AMZ2: variants seen among roughly 807,000 people sequenced by gnomAD.
The protein encoded by AMZ2 is archaemetzincin-2.
In AMZ2, 26 loss-of-function variants were observed where a neutral mutation model predicts 36.7. That is an observed-to-expected ratio of 0.71 (90% CI 0.52 to 0.98). The LOEUF is 0.98. Among genes scored for constraint, AMZ2 ranks in the 50% least tolerant of loss-of-function variants. AMZ2 has a pLI of 0.00. For missense variants in AMZ2, 394 were observed against 430.5 expected (o/e 0.92, Z 0.75); for synonymous variants, 144 against 149.1 (o/e 0.97, Z 0.25).
chr17:68,228,045 T>C (rs1387568862), intron 1 of AMZ2, among the ~76,000 whole-genome samples: 2 of 152,136 alleles, frequency 1.3e-5, no homozygotes, highest in Non-Finnish European at 2.9e-5. Context: ...TTGGCTGTCC[T>C]TTTTGCCTCC....
chr17:68,215,012 G>A (rs1466420659), intron 1 of AMZ2, among the ~76,000 whole-genome samples: 2 of 152,154 alleles, frequency 1.3e-5, no homozygotes, highest in Non-Finnish European at 2.9e-5. Flanking sequence ...TCGAACTTGT[G>A]AGCTCAAGCC....
chr17:68,247,592 G>A (rs2074084095), upstream of AMZ2: 1 of 974,192 alleles, frequency 1.0e-6, no homozygotes, highest in Admixed American at 6.1e-5. Flanking sequence ...AAGGGAAAGT[G>A]CTGAGGGTGA....
chr17:68,254,603 TA>T, intron 5 of AMZ2, 36 bp downstream of exon 5: 1 of 1,541,202 alleles, frequency 6.5e-7, no homozygotes, highest in South Asian at 1.2e-5. Flanking sequence ...GACAGTTCTT[TA>T]AAAGAGATCT....
At chr17:68,237,384 G>A (rs1336796364) in intron 1 of AMZ2, among the ~76,000 whole-genome samples, 8 of 152,152 alleles carry the variant, frequency 5.3e-5, no homozygotes, top group Non-Finnish European at 8.8e-5. Context: ...TGTGTCCTTC[G>A]TTACGCTGAT....
At chr17:68,244,430 G>A (rs2073961208), upstream of AMZ2, among the ~76,000 whole-genome samples, 1 of 152,132 alleles carries the variant, frequency 6.6e-6, no homozygotes, top group Admixed American at 6.6e-5. Flanking sequence ...GGGATTACAG[G>A]CATGCAACAC....
rs2074846975 is a variant in AMZ2 at position 68,255,693 on chromosome 17, C to G, written c.751-7C>G. On this transcript the variant is annotated splice_polypyrimidine_tract_variant and splice_region_variant and intron_variant, in intron 5 of 6. Coordinates refer to ENST00000359904, the MANE Select transcript of AMZ2 (RefSeq NM_016627.5). ...TCTTATAAAGCCTCAACATGATTGT[C>G]TTGCAGACTTTAACCCATGAGATCG... is the stretch of plus-strand genomic sequence containing the variant. 5.0e-6 allele frequency: 8 copies of G among 1,612,642 alleles called. No individual in the cohort carries two copies. The highest frequency in any genetic ancestry group is 6.8e-6 in the Non-Finnish European group (8 of 1,178,880).
intron 1 of AMZ2, among the ~76,000 whole-genome samples, chr17:68,228,140 G>T (rs1363201433): frequency 1.3e-5 from 2 of 152,000 alleles, no homozygotes; most frequent in Non-Finnish European, 2.9e-5. Flanking sequence ...CCCGAGCTCA[G>T]CTCCCCATCC....
In AMZ2 at chr17:68,235,157, G is replaced by C. The variant is rs1313920698; in HGVS notation, c.-66-13483G>C. 1.3e-5 allele frequency among the ~76,000 whole-genome samples: 2 copies of C among 152,184 alleles called. No individual in the cohort carries two copies. The highest frequency in any genetic ancestry group is 1.3e-4 in the Admixed American group (2 of 15,278). On this transcript the variant is annotated intron_variant, in intron 1 of 7. Transcript: ENST00000674770. This position sits in a 1 kb window ranked among gnomAD's most constrained non-coding sequence, Gnocchi z 4.2. ...GCGGGCATTTCCGTAATTAGAACTT[G>C]TGACCAACACATCCAACCACGAGGA...
chr17:68,213,425 G>A (rs1346457968), intron 1 of AMZ2, among the ~76,000 whole-genome samples: 1 of 152,202 alleles, frequency 6.6e-6, no homozygotes, highest in Non-Finnish European at 1.5e-5. Context: ...CCAGTTCTTA[G>A]AATTAGGTCA....
At chr17:68,223,716 T>G (rs2073428955) in intron 1 of AMZ2, among the ~76,000 whole-genome samples, 1 of 149,688 alleles carries the variant, frequency 6.7e-6, no homozygotes, top group Non-Finnish European at 1.5e-5. Flanking sequence ...ATTTTTTTGT[T>G]GTTTGTTTGT....
At chr17:68,233,286 A>G (rs535230328) in intron 1 of AMZ2, among the ~76,000 whole-genome samples, 1 of 152,298 alleles carries the variant, frequency 6.6e-6, no homozygotes, top group Non-Finnish European at 1.5e-5. Flanking sequence ...AGGCAAGTGA[A>G]TCACCTGAGG....
At position 68,254,392 on chromosome 17, in the gene AMZ2, C is replaced by T. The variant is rs781808148; in HGVS notation, c.587-12C>T. 3.1e-6 allele frequency: 5 copies of T among 1,601,524 alleles called. No individual in the cohort carries two copies. The Admixed American group carries it at 5.2e-5, about 17-fold the overall frequency. On this transcript the variant is annotated splice_polypyrimidine_tract_variant and intron_variant, in intron 4 of 6. Coordinates refer to ENST00000359904, the MANE Select transcript of AMZ2 (RefSeq NM_016627.5). ...TACTCTCATTCTGTCACTGTTTGTC[C>T]TTTTTTTGTAGGTGTGGGGATATTC...
In AMZ2 at chr17:68,250,187, G is replaced by T. The variant is rs1555738280; in HGVS notation, c.1-1G>T. The T allele has an allele frequency of 3.1e-6, 5 of 1,601,506 alleles. No homozygotes were observed. The Admixed American group carries it at 5.3e-5, about 17-fold the overall frequency. On this transcript the variant is annotated splice_acceptor_variant, in intron 1 of 6. Transcript: ENST00000359904. LOFTEE classifies it low-confidence loss of function (5UTR_SPLICE). ...TTTGATTACTTGCTTTTTTTTGTTA[G>T]ATGCAAATAATACGGCACTCCGAAC... is the stretch of plus-strand genomic sequence containing the variant.
At chr17:68,229,886 C>T (rs1555730790) in intron 1 of AMZ2, among the ~76,000 whole-genome samples, 2 of 152,150 alleles carry the variant, frequency 1.3e-5, no homozygotes, top group Non-Finnish European at 2.9e-5. Context: ...CGTTCTCCTC[C>T]ATATAGTCTC....
At chr17:68,239,917 T>C (rs1555733640) in intron 1 of AMZ2, among the ~76,000 whole-genome samples, 1 of 152,038 alleles carries the variant, frequency 6.6e-6, no homozygotes, top group Non-Finnish European at 1.5e-5. Flanking sequence ...ACAGAACAAA[T>C]CTTCAAAAGT....
intron 6 of AMZ2, 112 bp from the exon 7 acceptor site, chr17:68,256,702 G>T (rs1194384048): frequency 1.1e-5 from 11 of 1,042,524 alleles, no homozygotes; most frequent in Non-Finnish European, 1.1e-5. Context: ...ATCAAATGCA[G>T]CGTCTTCATG....
At position 68,250,572 on chromosome 17, in the gene AMZ2, T is replaced by C. The variant is rs1331601972; in HGVS notation, c.283+102T>C. 33 of 1,427,380 alleles carry C rather than the reference T, an allele frequency of 2.3e-5. No homozygotes were observed. The African/African-American group carries it at 4.4e-4, about 19-fold the overall frequency. 88.4% of individuals were successfully genotyped at this position (1,427,380 alleles called of 1,614,324 possible). A position where few individuals can be genotyped will look rare whatever the true frequency, so the allele number is the denominator to read the frequency against. ...CTGATTCAGATGGGCCGTTTTAGGA[T>C]CGTTTTTGATATTCATTGCGGCGGT... On this transcript the variant is annotated intron_variant, in intron 2 of 6. Coordinates refer to ENST00000359904, the MANE Select transcript of AMZ2 (RefSeq NM_016627.5).
chr17:68,229,318 C>T (rs1555730661), intron 1 of AMZ2, among the ~76,000 whole-genome samples: 2 of 152,086 alleles, frequency 1.3e-5, no homozygotes, highest in Admixed American at 6.5e-5. Context: ...CCCCTCAGCC[C>T]GGGTGCCTGT....
Position 68,250,976 on chromosome 17 carries a change from C to A in AMZ2, c.457+9C>A. 6.2e-7 allele frequency: 1 copy of A among 1,611,718 alleles called. No homozygotes were observed. Among genetic ancestry groups the A allele is most frequent in the Non-Finnish European group, 8.5e-7 (1 of 1,179,428 alleles). On this transcript the variant is annotated intron_variant, in intron 3 of 6. Transcript: ENST00000359904. ...CCTACAAATTCATGCAGGTGAATTA[C>A]ACGACTTTGCAATTCGAACTGAGTA...
Sources: allele counts gnomAD v4.1 joint callset (sites outside exome capture counted in the v4.1 genomes callset), GRCh38; gene constraint gnomAD v4.1.1; non-coding constraint Gnocchi (gnomAD v3.1); transcripts MANE v1.5; gene names NCBI Gene and HGNC (gene_info 2026-07-23, HGNC 2026-07-21).